Variants in MPP4 observed in about 807,000 individuals in gnomAD.
MPP4 encodes the protein MAGUK p55 subfamily member 4.
In MPP4, 91 loss-of-function variants were observed where a neutral mutation model predicts 98.3. The observed-to-expected ratio is 0.93, with a 90% CI of 0.78 to 1.10. The LOEUF (loss-of-function observed/expected upper bound fraction) is 1.10. MPP4 is among the 50% of genes least tolerant of loss of function. MPP4 has a pLI of 0.00. For missense variants in MPP4, 744 were observed against 792.9 expected, an observed-to-expected ratio of 0.94 and a Z score of 0.74; for synonymous variants, 261 against 271.8, an observed-to-expected ratio of 0.96 and a Z score of 0.39.
chr2:201,656,182 G>A lies in MPP4; in HGVS notation c.1300+16C>T, dbSNP rs200225300. On this transcript the variant is annotated intron_variant, in intron 17 of 21. Coordinates refer to ENST00000409474, the MANE Select transcript of MPP4 (RefSeq NM_033066.3). The stretch of plus-strand genomic sequence containing the variant: ...CTTCTCAAGGAGGAGGAGAGACAGT[G>A]CATGCTGGGACATACCCATGAGCAC... The A allele has an allele frequency of 1.8e-3, 2,890 of 1,588,816 alleles. 8 individuals are homozygous for A. Among genetic ancestry groups the A allele is most frequent in the Non-Finnish European group, 2.1e-3 (2,398 of 1,166,800 alleles).
chr2:201,681,681 G>A, intron 8 of MPP4, 114 bp from the exon 9 acceptor site: 1 of 781,796 alleles, frequency 1.3e-6, no homozygotes, highest in South Asian at 1.5e-5. Context: ...AATCCCCCAA[G>A]AGCCTTTCAC....
chr2:201,689,105 A>G (rs1688925256), intron 4 of MPP4, among the ~76,000 whole-genome samples: 1 of 151,964 alleles, frequency 6.6e-6, no homozygotes, highest in East Asian at 1.9e-4. Context: ...AGGTGGGCAG[A>G]TAGCTTAGTG....
intron 12 of MPP4, chr2:201,666,824 A>G (rs7559992): frequency 6.6e-6 from 1 of 152,318 alleles, no homozygotes; most frequent in East Asian, 1.9e-4. Flanking sequence ...AGGTATGTCA[A>G]TAAAACTCAG....
chr2:201,665,735 A>T (rs568497796), intron 13 of MPP4: 1 of 152,344 alleles, frequency 6.6e-6, no homozygotes, highest in East Asian at 1.9e-4. Flanking sequence ...TAGCCTGTAA[A>T]GCAAAGACAG....
intron 3 of MPP4, 64 bp downstream of exon 3, chr2:201,692,844 A>C: frequency 1.3e-6 from 2 of 1,573,032 alleles, no homozygotes; most frequent in Non-Finnish European, 1.7e-6. Context: ...TGAAGCTGTC[A>C]TTTTCTACAC....
chr2:201,684,947 CAA>C (rs1238485810), intron 7 of MPP4, 115 bp downstream of exon 7: 2,400 of 500,192 alleles, frequency 4.8e-3, no homozygotes, highest in Middle Eastern at 7.4e-3. Flanking sequence ...GACTCCATCT[CAA>C]AAAAAAAAAA....
intron 10 of MPP4, among the ~76,000 whole-genome samples, chr2:201,677,282 G>T (rs1297835663): frequency 6.6e-6 from 1 of 151,996 alleles, no homozygotes; most frequent in Non-Finnish European, 1.5e-5. Context: ...TCCCTCTGGG[G>T]GAAACTCCAG....
At chr2:201,690,116 G>T in intron 4 of MPP4, 86 bp downstream of exon 4, 1 of 833,514 alleles carries the variant, frequency 1.2e-6, no homozygotes, top group Non-Finnish European at 1.8e-6. Flanking sequence ...CTTTTCCTTA[G>T]AACCTTTAAT....
intron 11 of MPP4, among the ~76,000 whole-genome samples, chr2:201,674,603 T>C (rs1434445365): frequency 1.3e-5 from 2 of 152,222 alleles, no homozygotes; most frequent in African/African-American, 4.8e-5. Context: ...TGCTTTTAGC[T>C]TTCAAGCTGC....
intron 12 of MPP4, among the ~76,000 whole-genome samples, chr2:201,668,449 T>TCTCTTTCTC (rs368597235): frequency 6.7e-6 from 1 of 149,770 alleles, no homozygotes; most frequent in African/African-American, 2.5e-5. Context: ...TCTCTCTCTC[T>TCTCTTTCTC]TTCTCTTCTC....
intron 13 of MPP4, 164 bp from the exon 14 acceptor site, chr2:201,664,265 T>C (rs1241598806): frequency 6.7e-7 from 1 of 1,483,000 alleles, no homozygotes; most frequent in Non-Finnish European, 9.1e-7. Flanking sequence ...CTCTATGGCA[T>C]ATATCAGCTT....
intron 1 of MPP4, among the ~76,000 whole-genome samples, chr2:201,694,411 T>G (rs1320432096): frequency 2.0e-5 from 3 of 152,120 alleles, no homozygotes; most frequent in Non-Finnish European, 4.4e-5. Context: ...CCCCATTTCC[T>G]CTCATTGCAC....
intron 14 of MPP4, among the ~76,000 whole-genome samples, chr2:201,662,633 AAG>A (rs1394458916): frequency 1.3e-5 from 2 of 152,094 alleles, no homozygotes; most frequent in African/African-American, 4.8e-5. Context: ...CAAGAGAAGT[AAG>A]AAAATCAGAA....
chr2:201,690,722 A>C (rs1688992491), intron 3 of MPP4, among the ~76,000 whole-genome samples: 1 of 152,172 alleles, frequency 6.6e-6, no homozygotes, highest in Non-Finnish European at 1.5e-5. Context: ...GCTCAGGGCC[A>C]CTGAAGGTTC....
Position 201,685,911 on chromosome 2 carries a change from T to C in MPP4, c.492+8A>G. On this transcript the variant is annotated splice_region_variant and intron_variant, in intron 6 of 21. Transcript: ENST00000409474. ...CCTAAATGGAAAGATAAAAAATGAT[T>C]TCCTTACCAGGGGCTGTTGGTTTTT... 1 of 1,608,948 alleles carries C rather than the reference T, an allele frequency of 6.2e-7. No individual in the cohort carries two copies. The highest frequency in any genetic ancestry group is 1.1e-5 in the South Asian group (1 of 90,872).
chr2:201,681,068 G>A (rs775197891), intron 9 of MPP4, 34 bp from the exon 10 acceptor site: 3 of 1,586,126 alleles, frequency 1.9e-6, no homozygotes, highest in South Asian at 1.1e-5. Context: ...CTATCAGAAG[G>A]TGCCTAATGG....
intron 12 of MPP4, 142 bp from the exon 13 acceptor site, chr2:201,666,514 AG>A: frequency 1.8e-6 from 1 of 561,394 alleles, no homozygotes; most frequent in Non-Finnish European, 3.0e-6. Context: ...TGAGATCAAG[AG>A]TTCGAGACCA....
chr2:201,692,543 C>CAA (rs10618429), intron 3 of MPP4, among the ~76,000 whole-genome samples: 145 of 129,814 alleles, frequency 1.1e-3, no homozygotes, highest in East Asian at 2.5e-3. Context: ...GACTCTGTCT[C>CAA]AAAAAAAAAA....
chr2:201,687,177 T>C, intron 5 of MPP4, 114 bp downstream of exon 5: 1 of 858,578 alleles, frequency 1.2e-6, no homozygotes, highest in Non-Finnish European at 1.9e-6. Flanking sequence ...AGTAACCGTG[T>C]ACAGTAATAG....
Sources: allele counts gnomAD v4.1 joint callset (sites outside exome capture counted in the v4.1 genomes callset), GRCh38; gene constraint gnomAD v4.1.1; transcripts MANE v1.5; gene names NCBI Gene and HGNC (gene_info 2026-07-23, HGNC 2026-07-21).